CAMKK2: variants seen among roughly 807,000 people sequenced by gnomAD.
The protein encoded by CAMKK2 is calcium/calmodulin-dependent protein kinase kinase 2.
In CAMKK2, 30 loss-of-function variants were observed where a neutral mutation model predicts 67.2. The ratio of observed to expected loss-of-function variants is 0.45; its 90% CI spans 0.33 to 0.61. The LOEUF is 0.61. CAMKK2 is among the 20% of genes least tolerant of loss of function. The probability of loss-of-function intolerance (pLI) is 0.02; values close to 1 mark genes in which losing one functional copy is unlikely to be tolerated. For missense variants in CAMKK2, 643 were observed against 802.0 expected (o/e 0.80, Z 2.39); for synonymous variants, 322 against 326.2 (o/e 0.99, Z 0.14).
Position 121,261,817 on chromosome 12 carries a change from T to G in CAMKK2, c.760-1462A>C, listed in dbSNP as rs559462111. Reference sequence around the variant, plus strand: ...CCACCACGGCCATCTCAAACATCACTTCCTCTAAGAGGCCTCTCCCAGCTT... The same window carrying G: ...CCACCACGGCCATCTCAAACATCACGTCCTCTAAGAGGCCTCTCCCAGCTT... On this transcript the variant is annotated intron_variant, in intron 6 of 16. Transcript: ENST00000404169. 3.3e-5 allele frequency among the ~76,000 whole-genome samples: 5 copies of G among 152,304 alleles called. No homozygotes were observed. In the East Asian group the frequency reaches 5.8e-4, roughly 18 times the overall value.
chr12:121,278,515 TG>T, intron 1 of CAMKK2, among the ~76,000 whole-genome samples: 1 of 152,348 alleles, frequency 6.6e-6, no homozygotes, highest in Middle Eastern at 3.4e-3. Context: ...CCGTGTGTTG[TG>T]GGAGGGACCC....
Position 121,256,772 on chromosome 12 carries a change from A to G in CAMKK2, c.797-968T>C, listed in dbSNP as rs560826230. Among the ~76,000 whole-genome samples the G allele has an allele frequency of 2.0e-5, 3 of 152,252 alleles. No individual in the cohort carries two copies. The South Asian group carries it at 6.2e-4, about 32-fold the overall frequency. ...TAATGGCTGAATAATATTCCATTGT[A>G]TGGATAGACCACATTTTCTTTGTCC... On this transcript the variant is annotated intron_variant, in intron 7 of 16. Transcript: ENST00000404169.
chr12:121,290,980 C>T (rs571921318), intron 1 of CAMKK2, among the ~76,000 whole-genome samples: 11 of 152,226 alleles, frequency 7.2e-5, no homozygotes, highest in East Asian at 3.9e-4. Context: ...TCAACACACC[C>T]GGCTAATTTT....
intron 14 of CAMKK2, among the ~76,000 whole-genome samples, chr12:121,246,143 C>G (rs1889403281): frequency 6.7e-6 from 1 of 149,936 alleles, no homozygotes; most frequent in Non-Finnish European, 1.5e-5. Flanking sequence ...TGAAAATGTT[C>G]AGAACTATTG....
At chr12:121,280,021 CACA>C (rs144096975) in intron 1 of CAMKK2, among the ~76,000 whole-genome samples, 1,697 of 152,308 alleles carry the variant, frequency 0.011, 24 homozygotes, top group African/African-American at 0.039. Flanking sequence ...TCATCCTGGG[CACA>C]ACAAAAAGGC....
At position 121,255,561 on chromosome 12, in the gene CAMKK2, C is replaced by G. The variant is rs765553865; in HGVS notation, c.896G>C (p.Gly299Ala). Reference protein sequence around the residue: ...ARFYFQDLIKGIEYLHYQKII... With the variant: ...ARFYFQDLIKAIEYLHYQKII... ...CAGGCCCTGCTCACAGTACTCGATG[C>G]CTTTGATCAGATCCTGGAAGTAGAA... The change falls in exon 9 of 17, where the codon GGC becomes GCC. Residue 299 changes from glycine (G) to alanine (A), a missense_variant. Transcript: ENST00000404169. 2 of 1,611,056 alleles carry G rather than the reference C, an allele frequency of 1.2e-6. No homozygotes were observed.
At chr12:121,271,183 G>A (rs913839715) in intron 2 of CAMKK2, among the ~76,000 whole-genome samples, 2 of 151,456 alleles carry the variant, frequency 1.3e-5, no homozygotes, top group Non-Finnish European at 1.5e-5. Flanking sequence ...GCTGAGGCAC[G>A]AGAATCGCGT....
At chr12:121,257,532 A>C (rs935160152) in intron 7 of CAMKK2, among the ~76,000 whole-genome samples, 3 of 151,948 alleles carry the variant, frequency 2.0e-5, no homozygotes, top group African/African-American at 7.3e-5. Flanking sequence ...ACAGGCAAAA[A>C]AATTTTTTAA....
At chr12:121,289,931 G>A (rs928182780) in intron 1 of CAMKK2, among the ~76,000 whole-genome samples, 30 of 151,428 alleles carry the variant, frequency 2.0e-4, no homozygotes, top group African/African-American at 6.8e-4. Context: ...GGGAGCCAAG[G>A]GAGGCCTAAG....
rs1901183304 is a variant in CAMKK2 at position 121,296,298 on chromosome 12, C to A, written c.-60+340G>T. Among the ~76,000 whole-genome samples the A allele has an allele frequency of 6.6e-6, 1 of 152,188 alleles. No homozygotes were observed. Among genetic ancestry groups the A allele is most frequent in the Non-Finnish European group, 1.5e-5 (1 of 68,024 alleles). ...ACGCGAGGGGCTGGGCCTAGGCCGC[C>A]TCCACGAACCCTGACGGACCCGGCC... On this transcript the variant is annotated intron_variant, in intron 1 of 16. Coordinates refer to ENST00000404169, the MANE Select transcript of CAMKK2 (RefSeq NM_001270485.2). The surrounding 1 kb of genome is among the most constrained non-coding windows in gnomAD (Gnocchi z 7.1).
chr12:121,267,463 T>C (rs1230407664), intron 5 of CAMKK2, among the ~76,000 whole-genome samples: 1 of 150,636 alleles, frequency 6.6e-6, no homozygotes, highest in Non-Finnish European at 1.5e-5. Context: ...GCTGACAAGG[T>C]TGTGCAACCA....
In CAMKK2 at chr12:121,274,417, A is replaced by G; in HGVS notation, c.110T>C (p.Leu37Pro). 1 of 1,612,908 alleles carries G rather than the reference A, an allele frequency of 6.2e-7. No homozygotes were observed. The highest frequency in any genetic ancestry group is 1.1e-5 in the South Asian group (1 of 91,076). The change falls in exon 2 of 17, where the codon CTG becomes CCG. Residue 37 changes from leucine (L) to proline (P), a missense_variant. Around this residue, in one of 3 missense-constraint regions of CAMKK2, gnomAD observed 483 missense variants for 625.8 expected, o/e 0.77. Coordinates refer to ENST00000404169, the MANE Select transcript of CAMKK2 (RefSeq NM_001270485.2). Reference protein sequence around the residue: ...SSESQKPCEALRGLSSLSIHL... With the variant: ...SSESQKPCEAPRGLSSLSIHL... ...GATGCTCAAGGATGAGAGGCCCCGC[A>G]GGGCCTCACAGGGCTTCTGGCTTTC...
In CAMKK2 at chr12:121,245,047, G is replaced by C. The variant is rs1297150858; in HGVS notation, c.1553+93C>G. On this transcript the variant is annotated intron_variant, in intron 15 of 16. Transcript: ENST00000404169. The surrounding 1 kb of genome is among the most constrained non-coding windows in gnomAD (Gnocchi z 5.8). ...AGTCTCTCCAGATGGCACCACTTCA[G>C]GGAGGACCTGTGCAGAGTGGTCTGG... is the stretch of plus-strand genomic sequence containing the variant. The C allele has an allele frequency of 2.3e-6, 2 of 854,714 alleles. No individual in the cohort carries two copies. Among genetic ancestry groups the C allele is most frequent in the Non-Finnish European group, 3.8e-6 (2 of 523,586 alleles). 52.9% of individuals were successfully genotyped at this position (854,714 alleles called of 1,614,324 possible). A position where few individuals can be genotyped will look rare whatever the true frequency, so the allele number is the denominator to read the frequency against.
intron 1 of CAMKK2, among the ~76,000 whole-genome samples, chr12:121,278,736 C>T (rs1897233825): frequency 6.6e-6 from 1 of 152,222 alleles, no homozygotes; most frequent in Non-Finnish European, 1.5e-5. Flanking sequence ...AACTATAAGT[C>T]CAGTTAAACC....
rs1409914226 is a variant in CAMKK2, at chr12:121,244,608, GT to G, written c.1560del (p.Lys520AsnfsTer37). The G allele has an allele frequency of 1.3e-6, 2 of 1,564,478 alleles. No individual in the cohort carries two copies. Among genetic ancestry groups the G allele is most frequent in the East Asian group, 2.4e-5 (1 of 42,438 alleles). ...GACAGGGACTCACATTCCCTGGTTG[GT>G]TTTTTGCTGGAATCACCAGAGGGAG... The part of the protein sequence containing the change: ...LSAPGNLLTK[K>X]PTRECESLSE... On this transcript the variant is annotated frameshift_variant, in exon 16 of 17. Coordinates refer to ENST00000404169, the MANE Select transcript of CAMKK2 (RefSeq NM_001270485.2). LOFTEE classifies it high-confidence loss of function.
At position 121,268,106 on chromosome 12, in the gene CAMKK2, T is replaced by G. The variant is rs974755426; in HGVS notation, c.625+532A>C. Among the ~76,000 whole-genome samples, 188 of 60,170 alleles carry G rather than the reference T, an allele frequency of 3.1e-3. 2 individuals carry two copies. Among genetic ancestry groups the G allele is most frequent in the African/African-American group, 0.029 (181 of 6,348 alleles). The allele number at this position is 60,170 out of a possible 152,430, so 39.5% of individuals were successfully genotyped here. The stretch of plus-strand genomic sequence containing the variant: ...TGCATATATATATATATATACTCTA[T>G]TCATATTACTTTTAATGGATGAATA... On this transcript the variant is annotated intron_variant, in intron 5 of 16. Transcript: ENST00000404169.
At chr12:121,276,902 T>TA (rs1555261948) in intron 1 of CAMKK2, among the ~76,000 whole-genome samples, 3 of 46,624 alleles carry the variant, frequency 6.4e-5, no homozygotes, top group Non-Finnish European at 1.0e-4. Context: ...AAGGGCGGGG[T>TA]GGGGGGGGGG....
rs568737807 is a variant in CAMKK2 at position 121,250,037 on chromosome 12, G to A, written c.1162-3C>T. ...ATCCGCTCGTCCATGAATGGGCACT[G>A]CAAAGAGGCCAGGGACAGAGTGGCA... On this transcript the variant is annotated splice_region_variant and splice_polypyrimidine_tract_variant and intron_variant, in intron 11 of 16. Coordinates refer to ENST00000404169, the MANE Select transcript of CAMKK2 (RefSeq NM_001270485.2). The A allele has an allele frequency of 2.5e-6, 4 of 1,610,398 alleles. No individual in the cohort carries two copies. The highest frequency in any genetic ancestry group is 2.2e-5 in the South Asian group (2 of 90,632).
intron 9 of CAMKK2, among the ~76,000 whole-genome samples, chr12:121,254,831 T>C (rs1240222973): frequency 6.6e-6 from 1 of 152,158 alleles, no homozygotes; most frequent in African/African-American, 2.4e-5. Context: ...TTTCCCACTA[T>C]GATGGTTGAT....
Sources: allele counts gnomAD v4.1 joint callset (sites outside exome capture counted in the v4.1 genomes callset), GRCh38; gene constraint gnomAD v4.1.1; regional missense constraint gnomAD v4.1.1; non-coding constraint Gnocchi (gnomAD v3.1); transcripts MANE v1.5; gene names NCBI Gene and HGNC (gene_info 2026-07-23, HGNC 2026-07-21).